The following IL5RA variants were observed in gnomAD, a reference collection of about 807,000 sequenced individuals.
IL5RA encodes the protein interleukin-5 receptor subunit alpha.
A neutral mutation model predicts 50.0 loss-of-function variants in IL5RA; 49 were observed. The ratio of observed to expected loss-of-function variants is 0.98; its 90% confidence interval spans 0.78 to 1.24. The LOEUF (loss-of-function observed/expected upper bound fraction) is 1.24. IL5RA is among the 50% of genes most tolerant of loss of function. IL5RA has a pLI of 0.00. For missense variants in IL5RA, 600 were observed against 500.4 expected (o/e 1.20, Z -1.90); for synonymous variants, 202 against 174.0 (o/e 1.16, Z -1.26).
chr3:3,098,450 C>T (rs529787824), intron 5 of IL5RA, among the ~76,000 whole-genome samples, 160 bp from the exon 6 acceptor site: 9 of 152,274 alleles, frequency 5.9e-5, no homozygotes, highest in African/African-American at 2.2e-4. Flanking sequence ...CTCTGTCACC[C>T]AGGCTGCAGT....
chr3:3,107,040 A>G (rs1002249331), intron 2 of IL5RA, among the ~76,000 whole-genome samples: 42 of 152,166 alleles, frequency 2.8e-4, no homozygotes, highest in African/African-American at 9.9e-4. Flanking sequence ...TTTGTCATGT[A>G]TTCTGATTTT....
chr3:3,108,293 T>C (rs1195878713), intron 2 of IL5RA, among the ~76,000 whole-genome samples: 1 of 152,166 alleles, frequency 6.6e-6, no homozygotes, highest in East Asian at 1.9e-4. Flanking sequence ...GGACCACTTA[T>C]CATGCATGCA....
chr3:3,099,085 T>C (rs998078526), intron 5 of IL5RA, among the ~76,000 whole-genome samples: 14 of 152,318 alleles, frequency 9.2e-5, no homozygotes, highest in African/African-American at 3.4e-4. Flanking sequence ...TCTTCATGAA[T>C]TACATAGGTT....
At chr3:3,098,747 A>G (rs2125980991) in intron 5 of IL5RA, among the ~76,000 whole-genome samples, 1 of 152,304 alleles carries the variant, frequency 6.6e-6, no homozygotes. Flanking sequence ...CAAAAGGCCA[A>G]CTTACTGGAG....
chr3:3,080,408 C>T (rs1702624053), intron 9 of IL5RA, among the ~76,000 whole-genome samples: 1 of 152,160 alleles, frequency 6.6e-6, no homozygotes, highest in South Asian at 2.1e-4. Flanking sequence ...TCCCATTCCC[C>T]TCCCTCCCTC....
intron 9 of IL5RA, among the ~76,000 whole-genome samples, chr3:3,089,419 G>A (rs967596689): frequency 3.3e-5 from 5 of 152,132 alleles, no homozygotes; most frequent in East Asian, 1.9e-4. Flanking sequence ...GTGTCAGATC[G>A]GAGTCATTTT....
In IL5RA at chr3:3,068,597, A is replaced by AAAAAAAAC. The variant is rs1702198779; in HGVS notation, c.*1627_*1628insGTTTTTTT. 8.0e-6 allele frequency: 1 copy of AAAAAAAAC among 124,870 alleles called. No homozygotes were observed. Among genetic ancestry groups the AAAAAAAAC allele is most frequent in the African/African-American group, 3.1e-5 (1 of 32,636 alleles). The allele number at this position is 124,870 out of a possible 1,614,324, so 7.7% of individuals were successfully genotyped here. ...CCACCACCCACCCCACAAAAAAAAAAAAAAAAAAAAACAAAAACAGGTTTG... is the reference window on the plus strand; with the variant it reads ...CCACCACCCACCCCACAAAAAAAAAAAAAAAAACAAAAAAAAAAACAAAAACAGGTTTG... On this transcript the variant is annotated 3_prime_UTR_variant, in exon 12 of 12. Transcript: ENST00000446632.
chr3:3,083,499 C>T (rs955065282), intron 9 of IL5RA, among the ~76,000 whole-genome samples: 3 of 152,176 alleles, frequency 2.0e-5, no homozygotes, highest in African/African-American at 7.2e-5. Context: ...CACTGCAGTA[C>T]TGCTTGTCTG....
rs6788359 is a variant in IL5RA, at chr3:3,088,957, C to A, written c.994+3267G>T. ...TGACCTTGTTAAAAATTCCCTGAGACTGATTAATGCTTCTCGTATTTGTTT... is the reference window on the plus strand; with the variant it reads ...TGACCTTGTTAAAAATTCCCTGAGAATGATTAATGCTTCTCGTATTTGTTT... On this transcript the variant is annotated intron_variant, in intron 9 of 11. Transcript: ENST00000446632. 8.6e-3 allele frequency among the ~76,000 whole-genome samples: 1,304 copies of A among 152,278 alleles called. 21 individuals carry two copies. Among genetic ancestry groups the A allele is most frequent in the African/African-American group, 0.03 (1,244 of 41,544 alleles).
chr3:3,072,491 T>C (rs1702336219), intron 11 of IL5RA, among the ~76,000 whole-genome samples: 1 of 152,200 alleles, frequency 6.6e-6, no homozygotes, highest in Non-Finnish European at 1.5e-5. Flanking sequence ...CCTTATACAA[T>C]AAGCTTTTAT....
At chr3:3,094,644 G>A (rs115870197) in intron 8 of IL5RA, among the ~76,000 whole-genome samples, 4,778 of 152,200 alleles carry the variant, frequency 0.031, 211 homozygotes, top group African/African-American at 0.1. Flanking sequence ...TTGTTGGATC[G>A]TATGGGAATT....
intron 9 of IL5RA, among the ~76,000 whole-genome samples, chr3:3,082,853 T>C (rs1340944119): frequency 6.6e-6 from 1 of 152,224 alleles, no homozygotes; most frequent in Non-Finnish European, 1.5e-5. Context: ...GGAAGCCTGT[T>C]ACACCTTAAA....
chr3:3,092,171 CT>C lies in IL5RA; in HGVS notation c.994+52del. 5.0e-6 allele frequency: 8 copies of C among 1,592,226 alleles called. No individual in the cohort carries two copies. Among genetic ancestry groups the C allele is most frequent in the Admixed American group, 1.8e-5 (1 of 56,328 alleles). On this transcript the variant is annotated intron_variant, in intron 9 of 11. Coordinates refer to ENST00000446632, the MANE Select transcript of IL5RA (RefSeq NM_175726.4). The surrounding 1 kb of genome is among the most constrained non-coding windows in gnomAD (Gnocchi z 4.2). ...TGAACGGGTACGTTTCTGGGATTAC[CT>C]TTTTTGATCACAAGGAAGGCTGCCA...
chr3:3,092,859 C>A lies in IL5RA; in HGVS notation c.856-497G>T, dbSNP rs545187949. On this transcript the variant is annotated intron_variant, in intron 8 of 11. Coordinates refer to ENST00000446632, the MANE Select transcript of IL5RA (RefSeq NM_175726.4). The surrounding 1 kb of genome is among the most constrained non-coding windows in gnomAD (Gnocchi z 4.2). ...CTGTACCAGAGATGTGCTCCTGACA[C>A]CTGTATCTTGAATACCCCCGGAGGT... Among the ~76,000 whole-genome samples the A allele has an allele frequency of 1.3e-5, 2 of 152,290 alleles. No homozygotes were observed. Among genetic ancestry groups the A allele is most frequent in the Admixed American group, 6.5e-5 (1 of 15,304 alleles).
intron 9 of IL5RA, among the ~76,000 whole-genome samples, chr3:3,090,546 C>CTTTTTT (rs10711626): frequency 7.6e-6 from 1 of 131,618 alleles, no homozygotes. Context: ...TTTGAATTTT[C>CTTTTTT]TTTTTTTTTT....
At chr3:3,096,097 T>A (rs1703352380) in intron 7 of IL5RA, among the ~76,000 whole-genome samples, 1 of 151,896 alleles carries the variant, frequency 6.6e-6, no homozygotes. Context: ...GCTAACGTGG[T>A]GAAACCCCCT....
chr3:3,100,059 C>G (rs138103997), intron 5 of IL5RA, among the ~76,000 whole-genome samples: 1 of 152,314 alleles, frequency 6.6e-6, no homozygotes, highest in South Asian at 2.1e-4. Context: ...TTCAACCTCT[C>G]GTTGCTGTAT....
In IL5RA at chr3:3,070,013, G is replaced by A. The variant is rs1574970622; in HGVS notation, c.*212C>T. The A allele has an allele frequency of 4.1e-6, 2 of 486,714 alleles. No individual in the cohort carries two copies. Among genetic ancestry groups the A allele is most frequent in the Non-Finnish European group, 7.4e-6 (2 of 270,994 alleles). The allele number at this position is 486,714 out of a possible 1,614,324, so 30.1% of individuals were successfully genotyped here. ...AAAAAACATGGCAAAATGCTTGGATGAGTCAACTTCCCTGCTGTAGGTGAG... is the reference window on the plus strand; with the variant it reads ...AAAAAACATGGCAAAATGCTTGGATAAGTCAACTTCCCTGCTGTAGGTGAG... On this transcript the variant is annotated 3_prime_UTR_variant, in exon 12 of 12. Transcript: ENST00000446632.
At chr3:3,094,720 G>GT (rs1203712796) in intron 8 of IL5RA, among the ~76,000 whole-genome samples, 2 of 117,714 alleles carry the variant, frequency 1.7e-5, no homozygotes, top group Non-Finnish European at 4.0e-5. Context: ...TTAGTTTTTT[G>GT]TTTTTTTGTT....
Sources: allele counts gnomAD v4.1 joint callset (sites outside exome capture counted in the v4.1 genomes callset), GRCh38; gene constraint gnomAD v4.1.1; non-coding constraint Gnocchi (gnomAD v3.1); transcripts MANE v1.5; gene names NCBI Gene and HGNC (gene_info 2026-07-23, HGNC 2026-07-21).